The following WWOX variants were observed in gnomAD, a reference collection of about 807,000 sequenced individuals.
The protein encoded by WWOX is WW domain-containing oxidoreductase.
WWOX carries 69 observed loss-of-function variants against 46.2 expected under a neutral mutation model. The observed-to-expected ratio is 1.49, with a 90% confidence interval of 1.23 to 1.82. The LOEUF is 1.82. Ranked by LOEUF, WWOX falls within the 40% of genes most tolerant of loss-of-function variation. The pLI, the probability that WWOX is intolerant of heterozygous loss-of-function variation, is 0.00. For synonymous variants in WWOX, 359 were observed against 202.6 expected, an observed-to-expected ratio of 1.77 and a Z score of -6.56; for missense variants, 919 against 542.6, an observed-to-expected ratio of 1.69 and a Z score of -6.89.
At chr16:78,494,513 A>C (rs2084862598) in intron 8 of WWOX, among the ~76,000 whole-genome samples, 1 of 152,214 alleles carries the variant, frequency 6.6e-6, no homozygotes, top group Non-Finnish European at 1.5e-5. Flanking sequence ...GGAAATAAAA[A>C]CGGCAACAAA....
At chr16:78,398,943 G>A (rs1217246655) in intron 6 of WWOX, among the ~76,000 whole-genome samples, 2 of 152,214 alleles carry the variant, frequency 1.3e-5, no homozygotes, top group African/African-American at 4.8e-5. Context: ...ACAAGGAAGG[G>A]GATGGGTGGC....
At chr16:78,478,004 C>G (rs534677921) in intron 8 of WWOX, among the ~76,000 whole-genome samples, 1 of 152,134 alleles carries the variant, frequency 6.6e-6, no homozygotes, top group South Asian at 2.1e-4. Context: ...TTTTTTAATA[C>G]CTAACATTTG....
intron 8 of WWOX, among the ~76,000 whole-genome samples, chr16:79,113,673 G>T (rs2150661693): frequency 6.6e-6 from 1 of 152,302 alleles, no homozygotes; most frequent in East Asian, 1.9e-4. Flanking sequence ...GCTCTCAGCA[G>T]GGTGACCTGG....
intron 8 of WWOX, among the ~76,000 whole-genome samples, chr16:78,523,659 G>C (rs749103863): frequency 6.6e-6 from 1 of 152,192 alleles, no homozygotes; most frequent in African/African-American, 2.4e-5. Flanking sequence ...ATGTGGTACA[G>C]TGTGTGCTTC....
chr16:78,416,350 G>T (rs1489945666), intron 6 of WWOX, among the ~76,000 whole-genome samples: 1 of 152,116 alleles, frequency 6.6e-6, no homozygotes, highest in Non-Finnish European at 1.5e-5. Context: ...TTTTGTACAA[G>T]CCAATTAAGT....
chr16:78,487,750 C>A (rs1013652603), intron 8 of WWOX, among the ~76,000 whole-genome samples: 1 of 152,108 alleles, frequency 6.6e-6, no homozygotes, highest in Non-Finnish European at 1.5e-5. Context: ...AGTAAAATGG[C>A]CCCTGGTTGG....
intron 8 of WWOX, among the ~76,000 whole-genome samples, chr16:78,874,315 G>A (rs1468304898): frequency 1.3e-5 from 2 of 151,970 alleles, no homozygotes; most frequent in Non-Finnish European, 2.9e-5. Context: ...GAGTTGGGGA[G>A]TTGAATAGAG....
chr16:78,493,739 G>A (rs991651182), intron 8 of WWOX, among the ~76,000 whole-genome samples: 1 of 152,138 alleles, frequency 6.6e-6, no homozygotes, highest in African/African-American at 2.4e-5. Flanking sequence ...CCCCATTGTA[G>A]AGATGAGAAA....
chr16:78,295,669 C>G (rs1003634141), intron 5 of WWOX, among the ~76,000 whole-genome samples: 7 of 152,168 alleles, frequency 4.6e-5, no homozygotes, highest in African/African-American at 7.2e-5. Flanking sequence ...CAAGATCGCA[C>G]CACTGGACTC....
intron 8 of WWOX, among the ~76,000 whole-genome samples, chr16:79,113,163 A>G (rs2049449532): frequency 6.6e-6 from 1 of 152,184 alleles, no homozygotes; most frequent in South Asian, 2.1e-4. Flanking sequence ...TGGGGAATAT[A>G]CAAGCTCAAT....
At chr16:78,263,918 C>T (rs1488462363) in intron 5 of WWOX, among the ~76,000 whole-genome samples, 2 of 149,030 alleles carry the variant, frequency 1.3e-5, no homozygotes, top group African/African-American at 5.0e-5. Context: ...GTATTTCATC[C>T]TTTAAAAATA....
rs2080927631 is a variant in WWOX, at chr16:78,337,793, AAGC to A, written c.517-49066_517-49064del. 3.2e-5 allele frequency among the ~76,000 whole-genome samples: 4 copies of A among 123,872 alleles called. 1 individual carries two copies. Among genetic ancestry groups the A allele is most frequent in the African/African-American group, 5.4e-5 (2 of 36,808 alleles). 81.3% of individuals were successfully genotyped at this position (123,872 alleles called of 152,430 possible). ...CTCCAGCAATTATAATTGAATCTTG[AAGC>A]TAGAGTTTCTTGGCTATCCTATTTC... On this transcript the variant is annotated intron_variant, in intron 5 of 8. Coordinates refer to ENST00000566780, the MANE Select transcript of WWOX (RefSeq NM_016373.4).
intron 5 of WWOX, among the ~76,000 whole-genome samples, chr16:78,181,143 C>A (rs1455148619): frequency 6.6e-6 from 1 of 151,996 alleles, no homozygotes; most frequent in Non-Finnish European, 1.5e-5. Flanking sequence ...GAAAGAGAGA[C>A]ACGCAGACAC....
At chr16:78,869,873 T>C (rs1253012323) in intron 8 of WWOX, among the ~76,000 whole-genome samples, 1 of 152,168 alleles carries the variant, frequency 6.6e-6, no homozygotes, top group Admixed American at 6.5e-5. Flanking sequence ...CATGGGCTCT[T>C]TTTTCCCAAA....
At chr16:79,116,232 G>C (rs371943804) in intron 8 of WWOX, among the ~76,000 whole-genome samples, 7 of 152,142 alleles carry the variant, frequency 4.6e-5, no homozygotes, top group Admixed American at 4.6e-4. Flanking sequence ...GGTGGCTGTG[G>C]CAATTTCTTA....
At chr16:78,491,028 A>AACTTCATGCTTCAGCCAAAGTG (rs1230425033) in intron 8 of WWOX, among the ~76,000 whole-genome samples, 2 of 152,118 alleles carry the variant, frequency 1.3e-5, no homozygotes, top group African/African-American at 4.8e-5. Flanking sequence ...CCTCTTGGCC[A>AACTTCATGCTTCAGCCAAAGTG]ACTTCATGCT....
At chr16:78,957,971 C>G (rs546230850) in intron 8 of WWOX, among the ~76,000 whole-genome samples, 44 of 152,278 alleles carry the variant, frequency 2.9e-4, no homozygotes, top group Admixed American at 2.3e-3. Flanking sequence ...TCTCAGTGCC[C>G]TCTCACTTTC....
At chr16:79,200,707 G>T (rs1005346377) in intron 8 of WWOX, among the ~76,000 whole-genome samples, 2 of 152,020 alleles carry the variant, frequency 1.3e-5, no homozygotes, top group Admixed American at 6.6e-5. Context: ...ACACTCCCTG[G>T]ACAAAGACAT....
rs559349159 is a variant in WWOX, at chr16:78,420,711, T to C, written c.606-4159T>C. The stretch of plus-strand genomic sequence containing the variant: ...TAAAATTAGAATGTAGTTATGGTTG[T>C]ACAATTATTTGAGTATACTAAAACA... On this transcript the variant is annotated intron_variant, in intron 6 of 8. Coordinates refer to ENST00000566780, the MANE Select transcript of WWOX (RefSeq NM_016373.4). Among the ~76,000 whole-genome samples, 9 of 151,914 alleles carry C rather than the reference T, an allele frequency of 5.9e-5. No homozygotes were observed. In the South Asian group the frequency reaches 1.9e-3, roughly 32 times the overall value.
Sources: allele counts gnomAD v4.1 joint callset (sites outside exome capture counted in the v4.1 genomes callset), GRCh38; gene constraint gnomAD v4.1.1; transcripts MANE v1.5; gene names NCBI Gene and HGNC (gene_info 2026-07-23, HGNC 2026-07-21).